The following SYCE1L variants were observed in gnomAD, a reference collection of about 807,000 sequenced individuals.
SYCE1L encodes synaptonemal complex central element protein 1-like.
Under a neutral mutation model 39.6 loss-of-function variants are expected in SYCE1L, and 51 were observed. The ratio of observed to expected loss-of-function variants is 1.29; its 90% CI spans 1.03 to 1.63. SYCE1L has a LOEUF of 1.63. SYCE1L is among the 40% of genes most tolerant of loss of function. The pLI is 0.00. For missense variants in SYCE1L, 426 were observed against 304.9 expected (o/e 1.40, Z -2.96); for synonymous variants, 147 against 122.4 (o/e 1.20, Z -1.33).
chr16:77,203,213 G>A (rs2054759075), intron 1 of SYCE1L, among the ~76,000 whole-genome samples: 1 of 152,174 alleles, frequency 6.6e-6, no homozygotes, highest in Non-Finnish European at 1.5e-5. Flanking sequence ...AAAAGACCAA[G>A]TGTTGTCACC....
intron 5 of SYCE1L, 83 bp downstream of exon 5, chr16:77,209,227 C>A (rs912316279): frequency 6.8e-7 from 1 of 1,471,688 alleles, no homozygotes; most frequent in African/African-American, 1.4e-5. Context: ...CAGAGGAATC[C>A]CACTGAAACC....
chr16:77,201,957 G>A (rs2054748012), intron 1 of SYCE1L: 1 of 152,170 alleles, frequency 6.6e-6, no homozygotes, highest in African/African-American at 2.4e-5. Context: ...CACAGAAAAA[G>A]TATCTGAATG....
At position 77,208,462 on chromosome 16, in the gene SYCE1L, C is replaced by G; in HGVS notation, c.182-3C>G. The G allele has an allele frequency of 6.4e-7, 1 of 1,551,676 alleles. No homozygotes were observed. Among genetic ancestry groups the G allele is most frequent in the Non-Finnish European group, 8.7e-7 (1 of 1,146,986 alleles). ...ACAGTGTCTTTTTCCCTTCTTGGCC[C>G]AGCAAAGAAGAAATCCAGTGAGGAA... On this transcript the variant is annotated splice_polypyrimidine_tract_variant and splice_region_variant and intron_variant, in intron 3 of 10. Transcript: ENST00000378644.
intron 1 of SYCE1L, among the ~76,000 whole-genome samples, chr16:77,205,245 A>G (rs1034661551): frequency 2.6e-5 from 4 of 151,424 alleles, no homozygotes; most frequent in Non-Finnish European, 4.4e-5. Flanking sequence ...CTTTTTGGCT[A>G]TCATGTTTTG....
chr16:77,206,564 A>T (rs749120816), intron 2 of SYCE1L, 64 bp downstream of exon 2: 72 of 1,503,892 alleles, frequency 4.8e-5, no homozygotes, highest in Non-Finnish European at 6.2e-5. Flanking sequence ...CATGGTACAA[A>T]TTCAGCCCCC....
Position 77,206,480 on chromosome 16 carries a change from T to C in SYCE1L, c.101T>C (p.Met34Thr). ...TTGAAGACTGAAGACTTGCTGGCAA[T>C]GGTGATAAAGCTGCAGAAAGGTCAT... Reference protein sequence around the residue: ...KSLKTEDLLAMVIKLQKEGSL... With the variant: ...KSLKTEDLLATVIKLQKEGSL... The change falls in exon 2 of 11, where the codon ATG becomes ACG. Residue 34 changes from methionine (M) to threonine (T), a missense_variant. By Grantham distance (81) the Met-to-Thr change is moderately conservative. Coordinates refer to ENST00000378644, the MANE Select transcript of SYCE1L (RefSeq NM_001129979.3). 6.4e-7 allele frequency: 1 copy of C among 1,551,792 alleles called. No homozygotes were observed. Among genetic ancestry groups the C allele is most frequent in the Non-Finnish European group, 8.7e-7 (1 of 1,147,022 alleles).
At chr16:77,204,568 C>T (rs759900322) in intron 1 of SYCE1L, among the ~76,000 whole-genome samples, 1 of 152,142 alleles carries the variant, frequency 6.6e-6, no homozygotes, top group South Asian at 2.1e-4. Flanking sequence ...TGCCTTGTAA[C>T]AGCAAAATAA....
rs2054808818 is a variant in SYCE1L at position 77,209,546 on chromosome 16, G to T, written c.359+75G>T. 1.1e-5 allele frequency: 17 copies of T among 1,500,892 alleles called. No homozygotes were observed. The South Asian group carries it at 2.1e-4, about 18-fold the overall frequency. 93.0% of individuals were successfully genotyped at this position (1,500,892 alleles called of 1,614,324 possible). A position where few individuals can be genotyped will look rare whatever the true frequency, so the allele number is the denominator to read the frequency against. Reference sequence around the variant, plus strand: ...AGGAGGGAGCAAGAGCTGTGGAAATGAATCTTGGACACAGAAGCCTCATTT... The same window carrying T: ...AGGAGGGAGCAAGAGCTGTGGAAATTAATCTTGGACACAGAAGCCTCATTT... On this transcript the variant is annotated intron_variant, in intron 6 of 10. Coordinates refer to ENST00000378644, the MANE Select transcript of SYCE1L (RefSeq NM_001129979.3).
chr16:77,212,732 G>A (rs1286153441), intron 10 of SYCE1L, 86 bp downstream of exon 10: 27 of 1,433,520 alleles, frequency 1.9e-5, no homozygotes, highest in Non-Finnish European at 2.5e-5. Context: ...GCCCCCGAGA[G>A]TGGGGTCTGT....
chr16:77,209,606 A>G (rs1329684380), intron 6 of SYCE1L, 135 bp downstream of exon 6: 1 of 912,884 alleles, frequency 1.1e-6, no homozygotes, highest in African/African-American at 1.7e-5. Flanking sequence ...CTGACAAAAG[A>G]TTTCCTTGGT....
chr16:77,199,759 C>T, intron 1 of SYCE1L: 5 of 413,886 alleles, frequency 1.2e-5, no homozygotes, highest in African/African-American at 2.1e-5. Flanking sequence ...AAGTAAACAA[C>T]ATGTAGTTCA....
At chr16:77,199,559 G>A (rs79760539) in intron 1 of SYCE1L, 47 bp downstream of exon 1, 2 of 1,396,500 alleles carry the variant, frequency 1.4e-6, no homozygotes, top group Admixed American at 2.0e-5. Flanking sequence ...AACCAGGGCA[G>A]AAAGGAGGGA....
At chr16:77,199,577 T>A in intron 1 of SYCE1L, 65 bp downstream of exon 1, 1 of 1,237,906 alleles carries the variant, frequency 8.1e-7, no homozygotes, top group East Asian at 2.5e-5. Flanking sequence ...GGAGGATTCG[T>A]CCCATTACAA....
Position 77,206,510 on chromosome 16 carries a change from C to T in SYCE1L, c.121+10C>T, listed in dbSNP as rs193297317. ...ATAAAGCTGCAGAAAGGTCATGTGT[C>T]TCTTTGTTTCTGAGCCTCAGCCTGG... is the stretch of plus-strand genomic sequence containing the variant. On this transcript the variant is annotated intron_variant, in intron 2 of 10. Coordinates refer to ENST00000378644, the MANE Select transcript of SYCE1L (RefSeq NM_001129979.3). The T allele has an allele frequency of 6.9e-5, 107 of 1,551,666 alleles. No homozygotes were observed. The African/African-American group carries it at 1.2e-3, about 17-fold the overall frequency.
At chr16:77,208,650 C>A in intron 4 of SYCE1L, 111 bp downstream of exon 4, 2 of 1,071,592 alleles carry the variant, frequency 1.9e-6, no homozygotes, top group Non-Finnish European at 2.7e-6. Context: ...CTCACATAAT[C>A]TGTATTGCCT....
chr16:77,206,942 G>T (rs1243483076), intron 2 of SYCE1L, among the ~76,000 whole-genome samples: 1 of 152,136 alleles, frequency 6.6e-6, no homozygotes, highest in African/African-American at 2.4e-5. Context: ...ATCTACATCA[G>T]AGCTGAGGCA....
chr16:77,210,404 T>G (rs978007304), intron 6 of SYCE1L, among the ~76,000 whole-genome samples: 8 of 152,136 alleles, frequency 5.3e-5, no homozygotes, highest in Admixed American at 5.2e-4. Flanking sequence ...GCACCATGAT[T>G]TTAATTGCAT....
Position 77,213,041 on chromosome 16 carries a change from A to G in SYCE1L, c.*110A>G. On this transcript the variant is annotated 3_prime_UTR_variant, in exon 11 of 11. Coordinates refer to ENST00000378644, the MANE Select transcript of SYCE1L (RefSeq NM_001129979.3). ...CCGCGGAGTCTGTGCTACACCGTGG[A>G]GCGGGGCGGGGCGTGCTGGGATCTC... is the stretch of plus-strand genomic sequence containing the variant. 2 of 1,142,330 alleles carry G rather than the reference A, an allele frequency of 1.8e-6. No individual in the cohort carries two copies. The highest frequency in any genetic ancestry group is 2.7e-5 in the South Asian group (1 of 37,328). 70.8% of individuals were successfully genotyped at this position (1,142,330 alleles called of 1,614,324 possible). A position where few individuals can be genotyped will look rare whatever the true frequency, so the allele number is the denominator to read the frequency against.
Position 77,211,111 on chromosome 16 carries a change from C to T in SYCE1L, c.360-102C>T, listed in dbSNP as rs1034876004. The stretch of plus-strand genomic sequence containing the variant: ...ATAAAACCCATGAAGGGGCTCCCAG[C>T]AGAGGGAGCATGGGCAGGATCTGAA... On this transcript the variant is annotated intron_variant, in intron 6 of 10. Coordinates refer to ENST00000378644, the MANE Select transcript of SYCE1L (RefSeq NM_001129979.3). 14 of 1,269,150 alleles carry T rather than the reference C, an allele frequency of 1.1e-5. No homozygotes were observed. The Admixed American group carries it at 2.4e-4, about 22-fold the overall frequency. 78.6% of individuals were successfully genotyped at this position (1,269,150 alleles called of 1,614,324 possible).
Sources: allele counts gnomAD v4.1 joint callset (sites outside exome capture counted in the v4.1 genomes callset), GRCh38; gene constraint gnomAD v4.1.1; transcripts MANE v1.5; gene names NCBI Gene and HGNC (gene_info 2026-07-23, HGNC 2026-07-21).